CNTN1: variants seen among roughly 807,000 people sequenced by gnomAD.
The protein encoded by CNTN1 is contactin-1.
Under a neutral mutation model 126.4 loss-of-function variants are expected in CNTN1, and 38 were observed. That is an observed-to-expected ratio of 0.30 (90% CI 0.23 to 0.39). The LOEUF is 0.39. CNTN1 is among the 10% of genes least tolerant of loss of function. The probability of loss-of-function intolerance (pLI) is 1.00; values close to 1 mark genes in which losing one functional copy is unlikely to be tolerated. For missense variants in CNTN1, 1,009 were observed against 1,248.4 expected (o/e 0.81, Z 2.89); for synonymous variants, 413 against 422.6 (o/e 0.98, Z 0.28).
chr12:40,920,240 A>G (rs796071562), intron 4 of CNTN1, among the ~76,000 whole-genome samples: 1 of 152,262 alleles, frequency 6.6e-6, no homozygotes, highest in African/African-American at 2.4e-5. Context: ...ACCAAAAGAA[A>G]GGGCTGCTCT....
chr12:40,950,578 A>T (rs1946638070), intron 14 of CNTN1, among the ~76,000 whole-genome samples: 1 of 152,126 alleles, frequency 6.6e-6, no homozygotes, highest in Admixed American at 6.5e-5. Flanking sequence ...CCAATGTCAA[A>T]TTGCTCTATT....
intron 1 of CNTN1, among the ~76,000 whole-genome samples, chr12:40,757,608 C>A (rs1344562978): frequency 6.6e-6 from 1 of 152,126 alleles, no homozygotes; most frequent in Non-Finnish European, 1.5e-5. Context: ...GTATTGGTTT[C>A]AGCTTCCACT....
chr12:41,012,117 C>G (rs984659599), intron 17 of CNTN1, among the ~76,000 whole-genome samples: 5 of 152,062 alleles, frequency 3.3e-5, no homozygotes, highest in African/African-American at 1.2e-4. Context: ...CTAGGTGGTG[C>G]TGCTGACTTT....
chr12:40,997,223 A>G (rs916731115), intron 17 of CNTN1, among the ~76,000 whole-genome samples: 19 of 152,276 alleles, frequency 1.2e-4, no homozygotes, highest in Non-Finnish European at 2.9e-5. Flanking sequence ...ATTGTAAGAC[A>G]TGCCCCCATG....
chr12:40,785,878 G>T lies in CNTN1; in HGVS notation c.-77+93286G>T, dbSNP rs149559067. Among the ~76,000 whole-genome samples, 31 of 152,226 alleles carry T rather than the reference G, an allele frequency of 2.0e-4. No homozygotes were observed. The East Asian group carries it at 5.4e-3, about 27-fold the overall frequency. On this transcript the variant is annotated intron_variant, in intron 1 of 23. Coordinates refer to ENST00000551295, the MANE Select transcript of CNTN1 (RefSeq NM_001843.4). ...AGGGAGGTTCACTTATTACCATGGGGATGGTGCTGTCATGTATGAGGGATC... is the reference window on the plus strand; with the variant it reads ...AGGGAGGTTCACTTATTACCATGGGTATGGTGCTGTCATGTATGAGGGATC...
intron 23 of CNTN1, among the ~76,000 whole-genome samples, chr12:41,031,722 G>C (rs1017126511): frequency 1.3e-5 from 2 of 151,924 alleles, no homozygotes; most frequent in Non-Finnish European, 2.9e-5. Context: ...CATTCTTATT[G>C]ATTTTAGAAT....
chr12:40,999,697 CTTT>C (rs398019220), intron 17 of CNTN1, among the ~76,000 whole-genome samples: 25 of 86,662 alleles, frequency 2.9e-4, no homozygotes, highest in Middle Eastern at 0.017. Flanking sequence ...TTCTTCTGTG[CTTT>C]TTTTTTTTTT....
intron 1 of CNTN1, among the ~76,000 whole-genome samples, chr12:40,800,140 T>C (rs944067543): frequency 3.3e-5 from 5 of 151,870 alleles, no homozygotes; most frequent in African/African-American, 1.2e-4. Context: ...AATTGGATCA[T>C]GGGGGTGGTT....
chr12:40,721,052 A>C (rs910995432), intron 1 of CNTN1, among the ~76,000 whole-genome samples: 7 of 151,932 alleles, frequency 4.6e-5, no homozygotes, highest in Non-Finnish European at 8.8e-5. Flanking sequence ...ATGAATGTGT[A>C]AAATATAAAG....
intron 1 of CNTN1, among the ~76,000 whole-genome samples, chr12:40,765,439 G>A (rs1337634341): frequency 6.6e-6 from 1 of 152,130 alleles, no homozygotes; most frequent in Non-Finnish European, 1.5e-5. Context: ...CCTGGACAGA[G>A]CATTTAGCTA....
chr12:40,857,214 A>G (rs1942943208), intron 1 of CNTN1, among the ~76,000 whole-genome samples: 1 of 151,876 alleles, frequency 6.6e-6, no homozygotes, highest in Admixed American at 6.6e-5. Flanking sequence ...TGGTGCTGGT[A>G]GACTTAGAGT....
At chr12:41,045,363 C>A (rs1317274085) in intron 23 of CNTN1, among the ~76,000 whole-genome samples, 1 of 152,002 alleles carries the variant, frequency 6.6e-6, no homozygotes, top group Non-Finnish European at 1.5e-5. Flanking sequence ...AATATAAAAA[C>A]AATTGTCTGT....
intron 15 of CNTN1, among the ~76,000 whole-genome samples, chr12:40,977,773 TTTGTTTTGTTTTG>T (rs1947718218): frequency 8.6e-4 from 11 of 12,840 alleles, no homozygotes; most frequent in African/African-American, 1.9e-3. Context: ...TCTGTTTTGT[TTTGTTTTGTTTTG>T]TTTTGTTTTG....
At chr12:40,856,498 T>A (rs1219356768) in intron 1 of CNTN1, among the ~76,000 whole-genome samples, 1 of 152,090 alleles carries the variant, frequency 6.6e-6, no homozygotes, top group Non-Finnish European at 1.5e-5. Context: ...AGGGCTGACC[T>A]GCAAGGCTGT....
At chr12:41,030,289 T>C (rs1009739151) in intron 23 of CNTN1, among the ~76,000 whole-genome samples, 1 of 152,094 alleles carries the variant, frequency 6.6e-6, no homozygotes, top group Non-Finnish European at 1.5e-5. Flanking sequence ...TGCCAGAGTA[T>C]TTAATGGTAT....
chr12:41,012,629 T>G (rs939506826), intron 17 of CNTN1, among the ~76,000 whole-genome samples: 1 of 152,154 alleles, frequency 6.6e-6, no homozygotes, highest in African/African-American at 2.4e-5. Context: ...GGTTCAAACA[T>G]GGCCAATATG....
At chr12:41,060,973 G>A (rs964810630) in intron 23 of CNTN1, among the ~76,000 whole-genome samples, 2 of 152,070 alleles carry the variant, frequency 1.3e-5, no homozygotes, top group Non-Finnish European at 1.5e-5. Flanking sequence ...ACCCCATTAT[G>A]TAAGTATTAG....
At chr12:40,792,704 G>A (rs915380546) in intron 1 of CNTN1, among the ~76,000 whole-genome samples, 22 of 152,008 alleles carry the variant, frequency 1.4e-4, no homozygotes, top group African/African-American at 4.3e-4. Flanking sequence ...ACTATGAGGT[G>A]TTGACTTTTG....
chr12:40,833,015 G>A (rs1051762348), intron 1 of CNTN1, among the ~76,000 whole-genome samples: 1 of 151,702 alleles, frequency 6.6e-6, no homozygotes, highest in African/African-American at 2.4e-5. Context: ...TGCTCCTTGT[G>A]GTGTGCTGTG....
Sources: allele counts gnomAD v4.1 joint callset (sites outside exome capture counted in the v4.1 genomes callset), GRCh38; gene constraint gnomAD v4.1.1; transcripts MANE v1.5; gene names NCBI Gene and HGNC (gene_info 2026-07-23, HGNC 2026-07-21).